Variants in SPEM1 observed in about 807,000 individuals in gnomAD.
The protein encoded by SPEM1 is spermatid maturation protein 1.
SPEM1 carries 10 observed loss-of-function variants against 9.0 expected under a neutral mutation model. The ratio of observed to expected loss-of-function variants is 1.11; its 90% CI spans 0.68 to 1.88. The LOEUF (loss-of-function observed/expected upper bound fraction) is 1.88, where lower values mean the gene tolerates loss of function less well. SPEM1 is among the 40% of genes most tolerant of loss of function. The probability of loss-of-function intolerance (pLI) is 0.00; values close to 1 mark genes in which losing one functional copy is unlikely to be tolerated. For synonymous variants in SPEM1, 175 were observed against 157.8 expected, an observed-to-expected ratio of 1.11 and a Z score of -0.82; for missense variants, 401 against 408.6, an observed-to-expected ratio of 0.98 and a Z score of 0.16.
chr17:7,421,305 A>G lies in SPEM1; in HGVS notation c.630A>G (p.Pro210=). 1 of 1,612,036 alleles carries G rather than the reference A, an allele frequency of 6.2e-7. No homozygotes were observed. Among genetic ancestry groups the G allele is most frequent in the Non-Finnish European group, 8.5e-7 (1 of 1,179,434 alleles). Residue 210 remains proline (P), a synonymous_variant, in exon 3 of 3, where the codon CCA becomes CCG. Coordinates refer to ENST00000323675, the MANE Select transcript of SPEM1 (RefSeq NM_199339.3). The surrounding 1 kb of genome is among the most constrained non-coding windows in gnomAD (Gnocchi z 4.8). ...LRAYVYPVNP[P]PPSPEAPSHK... ...CCTATGTGTATCCTGTGAACCCCCCACCTCCCAGCCCTGAGGCTCCTAGCC... is the reference window on the plus strand; with the variant it reads ...CCTATGTGTATCCTGTGAACCCCCCGCCTCCCAGCCCTGAGGCTCCTAGCC...
rs777941639 is a variant in SPEM1 at position 7,420,446 on chromosome 17, G to C, written c.62G>C (p.Ser21Thr). The change falls in exon 1 of 3, where the codon AGC becomes ACC. Residue 21 changes from serine to threonine, a missense_variant. Transcript: ENST00000323675. ...TCGTATCACAACTGCAACAGCAACA[G>C]CTGCCAGGACCTGGGCAACTCTGTC... The part of the protein sequence containing the change: ...WASYHNCNSN[S>T]CQDLGNSVLL... 7 of 1,597,846 alleles carry C rather than the reference G, an allele frequency of 4.4e-6. No homozygotes were observed. Among genetic ancestry groups the C allele is most frequent in the Non-Finnish European group, 6.0e-6 (7 of 1,172,292 alleles).
Position 7,420,401 on chromosome 17 carries a change from G to A in SPEM1, c.17G>A (p.Arg6Gln), listed in dbSNP as rs776135812. The change falls in exon 1 of 3, where the codon CGG (arginine) becomes CAG (glutamine). Residue 6 changes from arginine (R) to glutamine (Q), a missense_variant. By Grantham distance (43) the Arg-to-Gln change is conservative (BLOSUM62 1). Coordinates refer to ENST00000323675, the MANE Select transcript of SPEM1 (RefSeq NM_199339.3). ...AGGGACCCCATGGCCATGGTTGAGC[G>A]GCCGAGGCCCGAGTGGGCCTCGTAT... MAMVE[R>Q]PRPEWASYHN... is the part of the protein sequence containing the mutation. The A allele has an allele frequency of 1.0e-5, 16 of 1,543,088 alleles. No individual in the cohort carries two copies. The highest frequency in any genetic ancestry group is 2.3e-5 in the East Asian group (1 of 42,656).
chr17:7,421,263 C>T lies in SPEM1; in HGVS notation c.588C>T (p.Ser196=), dbSNP rs377566043. The change falls in exon 3 of 3, where the codon TCC becomes TCT. Residue 196 remains serine, a synonymous_variant. Transcript: ENST00000323675. This position sits in a 1 kb window ranked among gnomAD's most constrained non-coding sequence, Gnocchi z 4.8. ...EERPLKTGIW[S]ELGLRAYVYP... is the part of the protein sequence containing the mutation. ...GGCCCCTCAAAACAGGCATATGGTC[C>T]GAGCTGGGCCTAAGGGCCTATGTGT... The T allele has an allele frequency of 6.3e-5, 101 of 1,614,032 alleles. No individual in the cohort carries two copies. The highest frequency in any genetic ancestry group is 7.7e-5 in the Non-Finnish European group (91 of 1,180,018).
At position 7,421,480 on chromosome 17, in the gene SPEM1, CG is replaced by C; in HGVS notation, c.807del (p.Arg270GlyfsTer5). The C allele has an allele frequency of 6.2e-7, 1 of 1,611,500 alleles. No homozygotes were observed. Among genetic ancestry groups the C allele is most frequent in the South Asian group, 1.1e-5 (1 of 90,870 alleles). On this transcript the variant is annotated frameshift_variant, in exon 3 of 3. Coordinates refer to ENST00000323675, the MANE Select transcript of SPEM1 (RefSeq NM_199339.3). LOFTEE classifies it low-confidence loss of function (END_TRUNC). This position sits in a 1 kb window ranked among gnomAD's most constrained non-coding sequence, Gnocchi z 4.8. ...AGTGTATGATGCCCGGGACATGAGA[CG>C]GCGGCTTCGGGAACTGACCCGGGAG... ...RIVYDARDMR[R>X]RLRELTREVE...
chr17:7,421,165 T>C lies in SPEM1; in HGVS notation c.490T>C (p.Trp164Arg), dbSNP rs766860536. The change falls in exon 3 of 3, where the codon TGG (tryptophan) becomes CGG (arginine). Residue 164 changes from tryptophan (W) to arginine (R), a missense_variant. Transcript: ENST00000323675. This position sits in a 1 kb window ranked among gnomAD's most constrained non-coding sequence, Gnocchi z 4.8. Reference protein sequence around the residue: ...WEGFQHTQGTWVPWSQDAPES... With the variant: ...WEGFQHTQGTRVPWSQDAPES... ...AGGCTTCCAACACACTCAGGGGACCTGGGTTCCCTGGTCTCAGGATGCCCC... is the reference window on the plus strand; with the variant it reads ...AGGCTTCCAACACACTCAGGGGACCCGGGTTCCCTGGTCTCAGGATGCCCC... The C allele has an allele frequency of 6.2e-6, 10 of 1,613,752 alleles. No homozygotes were observed. In the African/African-American group the frequency reaches 6.7e-5, roughly 11 times the overall value.
Position 7,420,331 on chromosome 17 carries a change from A to T in SPEM1, c.-54A>T. 2.7e-6 allele frequency: 4 copies of T among 1,460,944 alleles called. No homozygotes were observed. The allele number at this position is 1,460,944 out of a possible 1,614,324, so 90.5% of individuals were successfully genotyped here. A position where few individuals can be genotyped will look rare whatever the true frequency, so the allele number is the denominator to read the frequency against. On this transcript the variant is annotated 5_prime_UTR_variant, in exon 1 of 3. Coordinates refer to ENST00000323675, the MANE Select transcript of SPEM1 (RefSeq NM_199339.3). The stretch of plus-strand genomic sequence containing the variant: ...AGGGACAGGCAGGCAGTCAGTGGAC[A>T]CTGTCGGCACGGTGGGCTGGGGGCG...
chr17:7,421,507 G>A lies in SPEM1; in HGVS notation c.832G>A (p.Val278Met), dbSNP rs776552825. 1.2e-6 allele frequency: 2 copies of A among 1,608,252 alleles called. No homozygotes were observed. The highest frequency in any genetic ancestry group is 3.3e-5 in the Admixed American group (2 of 59,820). Residue 278 changes from valine to methionine, a missense_variant, in exon 3 of 3, where the codon GTG becomes ATG. Transcript: ENST00000323675. This position sits in a 1 kb window ranked among gnomAD's most constrained non-coding sequence, Gnocchi z 4.8. ...RRRLRELTRE[V>M]EALSGCYPLA... is the part of the protein sequence containing the mutation. ...GCGGCTTCGGGAACTGACCCGGGAG[G>A]TGGAGGCCCTGTCCGGCTGCTACCC...
chr17:7,420,708 G>A (rs1029894332), intron 2 of SPEM1, 21 bp downstream of exon 2: 1 of 1,613,082 alleles, frequency 6.2e-7, no homozygotes. Context: ...TGGGGGCTGG[G>A]ACATAGGAGG....
chr17:7,420,449 G>A lies in SPEM1; in HGVS notation c.65G>A (p.Cys22Tyr), dbSNP rs1488787643. 2 of 1,599,660 alleles carry A rather than the reference G, an allele frequency of 1.3e-6. No homozygotes were observed. Among genetic ancestry groups the A allele is most frequent in the East Asian group, 2.2e-5 (1 of 44,458 alleles). The change falls in exon 1 of 3, where the codon TGC becomes TAC. Residue 22 changes from cysteine (C) to tyrosine (Y), a missense_variant. Transcript: ENST00000323675. ...ASYHNCNSNS[C>Y]QDLGNSVLLL... ...TATCACAACTGCAACAGCAACAGCT[G>A]CCAGGACCTGGGCAACTCTGTCCTG...
In SPEM1 at chr17:7,421,264, G is replaced by A. The variant is rs199711132; in HGVS notation, c.589G>A (p.Glu197Lys). The change falls in exon 3 of 3, where the codon GAG becomes AAG. Residue 197 changes from glutamate (E) to lysine (K), a missense_variant. Coordinates refer to ENST00000323675, the MANE Select transcript of SPEM1 (RefSeq NM_199339.3). The surrounding 1 kb of genome is among the most constrained non-coding windows in gnomAD (Gnocchi z 4.8). ...ERPLKTGIWSELGLRAYVYPV... is the reference protein window; with the variant it reads ...ERPLKTGIWSKLGLRAYVYPV... The stretch of plus-strand genomic sequence containing the variant: ...GCCCCTCAAAACAGGCATATGGTCC[G>A]AGCTGGGCCTAAGGGCCTATGTGTA... The A allele has an allele frequency of 1.1e-4, 184 of 1,614,134 alleles. 1 individual carries two copies. In the Middle Eastern group the frequency reaches 1.2e-3, roughly 10 times the overall value.
At chr17:7,420,601 G>A (rs769142101) in intron 1 of SPEM1, 26 bp from the exon 2 acceptor site, 53 of 1,613,998 alleles carry the variant, frequency 3.3e-5, no homozygotes, top group Non-Finnish European at 3.8e-5. Flanking sequence ...GGCCTACCTG[G>A]GATCACTGTG....
intron 1 of SPEM1, 42 bp from the exon 2 acceptor site, chr17:7,420,585 G>A (rs73977668): frequency 0.076 from 122,368 of 1,613,942 alleles, 5,175 homozygotes; most frequent in South Asian, 0.15. Context: ...CAGGCCTGCC[G>A]GCCAGGGCCT....
Position 7,421,449 on chromosome 17 carries a change from C to A in SPEM1, c.774C>A (p.Gly258=). ...AATTTTCCCGGCACCGCTCCTCAGG[C>A]CGAATAGTGTATGATGCCCGGGACA... The part of the protein sequence containing the change: ...IPEFSRHRSS[G]RIVYDARDMR... Residue 258 remains glycine (G), a synonymous_variant, in exon 3 of 3, where the codon GGC becomes GGA. Transcript: ENST00000323675. This position sits in a 1 kb window ranked among gnomAD's most constrained non-coding sequence, Gnocchi z 4.8. 1 of 1,612,124 alleles carries A rather than the reference C, an allele frequency of 6.2e-7. No homozygotes were observed. The highest frequency in any genetic ancestry group is 8.5e-7 in the Non-Finnish European group (1 of 1,179,036).
chr17:7,421,521 C>T lies in SPEM1; in HGVS notation c.846C>T (p.Ser282=), dbSNP rs761905255. The change falls in exon 3 of 3, where the codon TCC becomes TCT. Residue 282 remains serine (S), a synonymous_variant. Transcript: ENST00000323675. This position sits in a 1 kb window ranked among gnomAD's most constrained non-coding sequence, Gnocchi z 4.8. The part of the protein sequence containing the change: ...RELTREVEAL[S]GCYPLASGSS... Reference sequence around the variant, plus strand: ...TGACCCGGGAGGTGGAGGCCCTGTCCGGCTGCTACCCCCTAGCCTCTGGAT... The same window carrying T: ...TGACCCGGGAGGTGGAGGCCCTGTCTGGCTGCTACCCCCTAGCCTCTGGAT... The T allele has an allele frequency of 6.3e-5, 101 of 1,601,992 alleles. No individual in the cohort carries two copies. Among genetic ancestry groups the T allele is most frequent in the Admixed American group, 3.5e-4 (21 of 59,438 alleles).
chr17:7,421,158 G>C lies in SPEM1; in HGVS notation c.483G>C (p.Gln161His). 1 of 1,613,928 alleles carries C rather than the reference G, an allele frequency of 6.2e-7. No homozygotes were observed. Among genetic ancestry groups the C allele is most frequent in the South Asian group, 1.1e-5 (1 of 91,066 alleles). Residue 161 changes from glutamine (Q) to histidine (H), a missense_variant, in exon 3 of 3, where the codon CAG becomes CAC. By Grantham distance (24) the Gln-to-His change is conservative. Coordinates refer to ENST00000323675, the MANE Select transcript of SPEM1 (RefSeq NM_199339.3). The surrounding 1 kb of genome is among the most constrained non-coding windows in gnomAD (Gnocchi z 4.8). ...ACTGGGAAGGCTTCCAACACACTCA[G>C]GGGACCTGGGTTCCCTGGTCTCAGG... ...PEDWEGFQHT[Q>H]GTWVPWSQDA...
rs982499026 is a variant in SPEM1, at chr17:7,421,499, C to T, written c.824C>T (p.Thr275Ile). Reference protein sequence around the residue: ...RDMRRRLRELTREVEALSGCY... With the variant: ...RDMRRRLRELIREVEALSGCY... ...ATGAGACGGCGGCTTCGGGAACTGACCCGGGAGGTGGAGGCCCTGTCCGGC... is the reference window on the plus strand; with the variant it reads ...ATGAGACGGCGGCTTCGGGAACTGATCCGGGAGGTGGAGGCCCTGTCCGGC... Residue 275 changes from threonine to isoleucine, a missense_variant, in exon 3 of 3, where the codon ACC becomes ATC. By Grantham distance (89) the Thr-to-Ile change is moderately conservative. Coordinates refer to ENST00000323675, the MANE Select transcript of SPEM1 (RefSeq NM_199339.3). This position sits in a 1 kb window ranked among gnomAD's most constrained non-coding sequence, Gnocchi z 4.8. 3 of 1,609,570 alleles carry T rather than the reference C, an allele frequency of 1.9e-6. No homozygotes were observed. Among genetic ancestry groups the T allele is most frequent in the African/African-American group, 2.7e-5 (2 of 74,912 alleles).
rs772687216 is a variant in SPEM1, at chr17:7,420,519, A to T, written c.135A>T (p.Ile45=). The T allele has an allele frequency of 6.0e-5, 96 of 1,612,984 alleles. No individual in the cohort carries two copies. The highest frequency in any genetic ancestry group is 7.9e-5 in the Non-Finnish European group (93 of 1,179,276). ...LIICINISIN[I]VTLLWSRFRG... ...TCTGCATTAACATTAGCATCAATATAGTGACCCTGGTCAGGGTGGGGCCAG... is the reference window on the plus strand; with the variant it reads ...TCTGCATTAACATTAGCATCAATATTGTGACCCTGGTCAGGGTGGGGCCAG... Residue 45 remains isoleucine, a synonymous_variant, in exon 1 of 3, where the codon ATA becomes ATT. Transcript: ENST00000323675.
chr17:7,420,344 T>C lies in SPEM1; in HGVS notation c.-41T>C, dbSNP rs1597716769. The C allele has an allele frequency of 6.8e-7, 1 of 1,467,706 alleles. No individual in the cohort carries two copies. The allele number at this position is 1,467,706 out of a possible 1,614,324, so 90.9% of individuals were successfully genotyped here. On this transcript the variant is annotated 5_prime_UTR_variant, in exon 1 of 3. Coordinates refer to ENST00000323675, the MANE Select transcript of SPEM1 (RefSeq NM_199339.3). Reference sequence around the variant, plus strand: ...CAGTCAGTGGACACTGTCGGCACGGTGGGCTGGGGGCGTAAGGGCCCCGGT... The same window carrying C: ...CAGTCAGTGGACACTGTCGGCACGGCGGGCTGGGGGCGTAAGGGCCCCGGT...
In SPEM1 at chr17:7,420,990, C is replaced by A. The variant is rs1907372498; in HGVS notation, c.315C>A (p.Ser105=). ...CTMDPVMMTV[S]PPPAHRHRRR... ...TGGACCCTGTGATGATGACTGTGTC[C>A]CCGCCCCCAGCTCACCGCCATCGCC... The change falls in exon 3 of 3, where the codon TCC becomes TCA. Residue 105 remains serine (S), a synonymous_variant. Transcript: ENST00000323675. 1.2e-6 allele frequency: 2 copies of A among 1,614,096 alleles called. No individual in the cohort carries two copies. The highest frequency in any genetic ancestry group is 8.5e-7 in the Non-Finnish European group (1 of 1,180,002).
Sources: allele counts gnomAD v4.1 joint callset, GRCh38; gene constraint gnomAD v4.1.1; non-coding constraint Gnocchi (gnomAD v3.1); transcripts MANE v1.5; gene names NCBI Gene and HGNC (gene_info 2026-07-23, HGNC 2026-07-21).